Variants in KIRREL1 observed in about 807,000 individuals in gnomAD.
The protein encoded by KIRREL1 is kirre like nephrin family adhesion molecule 1, also known as kin of IRRE-like protein 1.
A neutral mutation model predicts 83.3 loss-of-function variants in KIRREL1; 25 were observed. The observed-to-expected ratio is 0.30, with a 90% CI of 0.22 to 0.42. The LOEUF is 0.42. Ranked by LOEUF, KIRREL1 falls within the 10% of genes least tolerant of loss-of-function variation. The probability of loss-of-function intolerance (pLI) is 1.00; values close to 1 mark genes in which losing one functional copy is unlikely to be tolerated. For synonymous variants in KIRREL1, 388 were observed against 410.4 expected, an observed-to-expected ratio of 0.95 and a Z score of 0.66; for missense variants, 812 against 1,032.3, an observed-to-expected ratio of 0.79 and a Z score of 2.92.
rs140671534 is a variant in KIRREL1 at position 158,095,075 on chromosome 1, G to A, written c.2229G>A (p.Ser743=). The change falls in exon 15 of 15, where the codon TCG becomes TCA. Residue 743 remains serine (S), a synonymous_variant. Transcript: ENST00000359209. ...GATTCTCCTACACCTCCCAGCACTC[G>A]GACTACGGCCAGCGATTCCAGCAGC... ...ATRFSYTSQH[S]DYGQRFQQRM... 4.4e-5 allele frequency: 71 copies of A among 1,610,794 alleles called. No individual in the cohort carries two copies. Among genetic ancestry groups the A allele is most frequent in the Admixed American group, 2.0e-4 (12 of 59,844 alleles).
At chr1:158,031,289 A>G (rs1660317702) in intron 1 of KIRREL1, 1 of 152,128 alleles carries the variant, frequency 6.6e-6, no homozygotes, top group African/African-American at 2.4e-5. Flanking sequence ...TGCTTCTAGA[A>G]CTTGTCTTCT....
chr1:158,089,912 C>A (rs1662142664), intron 10 of KIRREL1, 94 bp downstream of exon 10: 7 of 1,032,618 alleles, frequency 6.8e-6, no homozygotes, highest in African/African-American at 4.7e-5. Flanking sequence ...GCTCCTTCAA[C>A]TTCCCTGTCC....
chr1:158,094,608 A>C lies in KIRREL1; in HGVS notation c.1798-36A>C. On this transcript the variant is annotated intron_variant, in intron 14 of 14. Transcript: ENST00000359209. The surrounding 1 kb of genome is among the most constrained non-coding windows in gnomAD (Gnocchi z 4.6). ...GAGACTTGATCCCCACCCAAGAGGG[A>C]ACACTGCCTCCATCCTCTTCTCTCA... The C allele has an allele frequency of 6.6e-7, 1 of 1,515,018 alleles. No homozygotes were observed. The highest frequency in any genetic ancestry group is 1.7e-5 in the Admixed American group (1 of 57,298). The allele number at this position is 1,515,018 out of a possible 1,614,324, so 93.8% of individuals were successfully genotyped here.
At chr1:158,029,718 T>C (rs1429406041) in intron 1 of KIRREL1, among the ~76,000 whole-genome samples, 4 of 152,186 alleles carry the variant, frequency 2.6e-5, no homozygotes. Flanking sequence ...CTAGACCTGC[T>C]AATGTTCAGA....
chr1:158,071,259 C>T (rs1439089583), intron 1 of KIRREL1, among the ~76,000 whole-genome samples: 1 of 152,220 alleles, frequency 6.6e-6, no homozygotes, highest in East Asian at 1.9e-4. Flanking sequence ...TCCTTTCCCT[C>T]CTCGCTCTCC....
chr1:158,070,590 C>T (rs1029131390), intron 1 of KIRREL1, among the ~76,000 whole-genome samples: 1 of 152,074 alleles, frequency 6.6e-6, no homozygotes, highest in Non-Finnish European at 1.5e-5. Context: ...ACTTTTAATC[C>T]AAGGCAGGCT....
intron 1 of KIRREL1, among the ~76,000 whole-genome samples, chr1:158,017,015 G>A (rs1347262194): frequency 1.3e-5 from 2 of 152,156 alleles, no homozygotes; most frequent in Admixed American, 6.5e-5. Context: ...GAAAAAAGTC[G>A]CCATGACATC....
chr1:158,031,647 G>T (rs549431082), intron 1 of KIRREL1, among the ~76,000 whole-genome samples: 1 of 152,364 alleles, frequency 6.6e-6, no homozygotes, highest in East Asian at 1.9e-4. Flanking sequence ...AGCATTCTGT[G>T]CCCTGGCAGC....
At chr1:158,064,222 A>G (rs1661302382) in intron 1 of KIRREL1, among the ~76,000 whole-genome samples, 1 of 152,222 alleles carries the variant, frequency 6.6e-6, no homozygotes, top group South Asian at 2.1e-4. Context: ...GCTGCAGACT[A>G]GACTCCAGGT....
chr1:158,013,398 C>T (rs1333709735), intron 1 of KIRREL1, among the ~76,000 whole-genome samples: 2 of 152,102 alleles, frequency 1.3e-5, no homozygotes, highest in African/African-American at 2.4e-5. Context: ...ATGAGGATTC[C>T]TGGACGATCT....
intron 1 of KIRREL1, among the ~76,000 whole-genome samples, chr1:158,009,774 T>TGCC (rs1659619040): frequency 6.6e-6 from 1 of 152,254 alleles, no homozygotes; most frequent in African/African-American, 2.4e-5. Flanking sequence ...ATCTTGCCTC[T>TGCC]GCCGCCTGCC....
chr1:158,091,989 C>T (rs913439363), intron 11 of KIRREL1, among the ~76,000 whole-genome samples: 2 of 152,180 alleles, frequency 1.3e-5, no homozygotes, highest in African/African-American at 2.4e-5. Context: ...TAAATTAATT[C>T]GGATGGAGAA....
intron 1 of KIRREL1, among the ~76,000 whole-genome samples, chr1:158,043,129 G>A (rs1660684236): frequency 6.6e-6 from 1 of 151,890 alleles, no homozygotes; most frequent in Non-Finnish European, 1.5e-5. Context: ...TTCATCATGA[G>A]GGTGGGGGCA....
chr1:158,030,578 T>A (rs1021530271), intron 1 of KIRREL1: 2 of 152,226 alleles, frequency 1.3e-5, no homozygotes, highest in African/African-American at 4.8e-5. Context: ...GTCCTTCAAT[T>A]TCTCTGACCT....
In KIRREL1 at chr1:158,097,980, G is replaced by A. The variant is rs1379820444; in HGVS notation, c.*2860G>A. On this transcript the variant is annotated 3_prime_UTR_variant, in exon 15 of 15. Coordinates refer to ENST00000359209, the MANE Select transcript of KIRREL1 (RefSeq NM_018240.7). ...ATTCTGGTTTTGTTATACCCATAGG[G>A]TTGGGGGTAGGGATGGGACTGCCCA... 1 of 152,204 alleles carries A rather than the reference G, an allele frequency of 6.6e-6. No individual in the cohort carries two copies. Among genetic ancestry groups the A allele is most frequent in the Non-Finnish European group, 1.5e-5 (1 of 68,054 alleles). 9.4% of individuals were successfully genotyped at this position (152,204 alleles called of 1,614,324 possible). A position where few individuals can be genotyped will look rare whatever the true frequency, so the allele number is the denominator to read the frequency against.
chr1:158,092,458 C>T (rs528529926), intron 11 of KIRREL1, among the ~76,000 whole-genome samples: 1 of 150,056 alleles, frequency 6.7e-6, no homozygotes, highest in East Asian at 2.0e-4. Flanking sequence ...AATGAGTCTC[C>T]TACCTCAACC....
At chr1:158,002,544 T>C (rs1000304458) in intron 1 of KIRREL1, among the ~76,000 whole-genome samples, 6 of 152,200 alleles carry the variant, frequency 3.9e-5, no homozygotes, top group African/African-American at 7.2e-5. Flanking sequence ...TTATGAGCAT[T>C]GTTTTTTTAA....
chr1:158,057,437 C>G (rs1415157158), intron 1 of KIRREL1, among the ~76,000 whole-genome samples: 1 of 152,164 alleles, frequency 6.6e-6, no homozygotes, highest in Non-Finnish European at 1.5e-5. Context: ...GATAAGTACT[C>G]CTGTCTTTTA....
chr1:158,074,129 C>A (rs1661601608), intron 1 of KIRREL1, among the ~76,000 whole-genome samples: 1 of 152,180 alleles, frequency 6.6e-6, no homozygotes, highest in African/African-American at 2.4e-5. Context: ...ACCCACCCCT[C>A]CCCCAGGATC....
Sources: gnomAD v4.1 joint callset for allele counts (sites outside exome capture counted in the v4.1 genomes callset) on GRCh38, gnomAD v4.1.1 for gene constraint, Gnocchi (gnomAD v3.1) non-coding constraint, MANE v1.5 for transcripts, NCBI Gene and HGNC (gene_info 2026-07-23, HGNC 2026-07-21) for gene names.